The following SLC26A7 variants were observed in gnomAD, a reference collection of about 807,000 sequenced individuals.
SLC26A7 encodes the protein anion exchange transporter.
In SLC26A7, 59 loss-of-function variants were observed where a neutral mutation model predicts 82.5. That is an observed-to-expected ratio of 0.72 (90% CI 0.58 to 0.89). SLC26A7 has a LOEUF of 0.89. SLC26A7 is among the 40% of genes least tolerant of loss of function. The pLI is 0.00. For missense variants in SLC26A7, 820 were observed against 793.0 expected (o/e 1.03, Z -0.41); for synonymous variants, 271 against 274.3 (o/e 0.99, Z 0.12).
intron 1 of SLC26A7, among the ~76,000 whole-genome samples, chr8:91,211,620 T>TA (rs68057393): frequency 1.3e-3 from 168 of 129,268 alleles, no homozygotes; most frequent in African/African-American, 4.6e-3. Flanking sequence ...ATATATATTT[T>TA]TTTTTTATTT....
Position 91,354,589 on chromosome 8 carries a change from A to G in SLC26A7, c.1314+1593A>G, listed in dbSNP as rs112396651. Among the ~76,000 whole-genome samples, 39 of 152,298 alleles carry G rather than the reference A, an allele frequency of 2.6e-4. 2 individuals carry two copies. Among genetic ancestry groups the G allele is most frequent in the African/African-American group, 9.1e-4 (38 of 41,576 alleles). On this transcript the variant is annotated intron_variant, in intron 11 of 18. Transcript: ENST00000276609. ...ATGTATGTATTAGAAAGGTCACTTG[A>G]GTAGTTTGAGGAAGATGGATCAAAC...
chr8:91,251,306 A>G (rs772755543), intron 2 of SLC26A7, among the ~76,000 whole-genome samples: 13 of 151,982 alleles, frequency 8.6e-5, no homozygotes, highest in Admixed American at 3.3e-4. Flanking sequence ...TTTACGAGTC[A>G]TGTATTTCAC....
intron 2 of SLC26A7, among the ~76,000 whole-genome samples, chr8:91,266,042 A>AT (rs570474606): frequency 4.0e-4 from 61 of 151,602 alleles, no homozygotes; most frequent in Admixed American, 1.1e-3. Context: ...TTTATTTATG[A>AT]TTTTTTTTAG....
At chr8:91,267,764 G>A (rs1811155019) in intron 2 of SLC26A7, among the ~76,000 whole-genome samples, 1 of 151,310 alleles carries the variant, frequency 6.6e-6, no homozygotes, top group South Asian at 2.1e-4. Flanking sequence ...AAATATTTCT[G>A]TTCTGATCTT....
At chr8:91,393,672 C>A (rs564924368) in intron 16 of SLC26A7, 125 bp from the exon 17 acceptor site, 112 of 954,344 alleles carry the variant, frequency 1.2e-4, no homozygotes, top group Middle Eastern at 4.8e-4. Context: ...ACAATGCCTC[C>A]CTCTGGTGGT....
chr8:91,347,735 A>G (rs1407822349), intron 9 of SLC26A7, among the ~76,000 whole-genome samples: 3 of 152,204 alleles, frequency 2.0e-5, no homozygotes, highest in Non-Finnish European at 2.9e-5. Context: ...ACCAAGTGCC[A>G]TGGTCATCAG....
chr8:91,292,958 G>T (rs905047265), intron 3 of SLC26A7, among the ~76,000 whole-genome samples: 6 of 152,212 alleles, frequency 3.9e-5, no homozygotes, highest in Non-Finnish European at 8.8e-5. Context: ...ATATTGTGGA[G>T]ACTATATAAG....
intron 1 of SLC26A7, among the ~76,000 whole-genome samples, chr8:91,217,260 G>A (rs1810067735): frequency 6.6e-6 from 1 of 152,136 alleles, no homozygotes; most frequent in Non-Finnish European, 1.5e-5. Flanking sequence ...GCAAATTAAA[G>A]AAACCCAACT....
upstream of SLC26A7, among the ~76,000 whole-genome samples, chr8:91,244,329 TTTC>T (rs548534757): frequency 3.8e-4 from 58 of 152,162 alleles, no homozygotes; most frequent in East Asian, 9.5e-3. Flanking sequence ...TCCTCTTCCT[TTTC>T]TTCTTCTTTT....
At chr8:91,369,733 CAG>C in intron 14 of SLC26A7, 50 bp from the exon 15 acceptor site, 3 of 1,321,338 alleles carry the variant, frequency 2.3e-6, no homozygotes, top group Non-Finnish European at 3.1e-6. Context: ...TTTTTTCAGA[CAG>C]AAGTAAAATT....
At chr8:91,251,421 T>G (rs1051588413) in intron 2 of SLC26A7, among the ~76,000 whole-genome samples, 1 of 152,088 alleles carries the variant, frequency 6.6e-6, no homozygotes, top group Non-Finnish European at 1.5e-5. Context: ...CTGATTCTCT[T>G]GGAAGGCTAC....
chr8:91,367,201 G>A (rs907324647), intron 14 of SLC26A7, among the ~76,000 whole-genome samples: 5 of 152,034 alleles, frequency 3.3e-5, no homozygotes, highest in African/African-American at 1.2e-4. Flanking sequence ...GTGGAGACGG[G>A]GTTTCATGGT....
chr8:91,308,246 GGTGT>G (rs35920887), intron 4 of SLC26A7, among the ~76,000 whole-genome samples: 4,769 of 145,702 alleles, frequency 0.033, 111 homozygotes, highest in African/African-American at 0.062. Flanking sequence ...AGGAGGAAGA[GGTGT>G]GTGTGTGTGT....
At chr8:91,209,619 T>C (rs1175839241) in intron 1 of SLC26A7, 1 of 152,218 alleles carries the variant, frequency 6.6e-6, no homozygotes, top group Admixed American at 6.5e-5. Context: ...GATATGTGCA[T>C]GGTTGTAGGC....
chr8:91,352,845 A>T, intron 10 of SLC26A7, 56 bp from the exon 11 acceptor site: 1 of 1,412,464 alleles, frequency 7.1e-7, no homozygotes, highest in Non-Finnish European at 9.8e-7. Context: ...TAGCCCTTTT[A>T]AATTTAAGTT....
At chr8:91,218,961 T>C in exon 2 of SLC26A7, 1 of 1,551,182 alleles carries the variant, frequency 6.4e-7, no homozygotes, top group Non-Finnish European at 8.7e-7. Context: ...AATGTTTTAC[T>C]CAACGTGACC....
At chr8:91,269,244 A>T (rs1317283455) in intron 2 of SLC26A7, among the ~76,000 whole-genome samples, 1 of 152,022 alleles carries the variant, frequency 6.6e-6, no homozygotes, top group Non-Finnish European at 1.5e-5. Context: ...AGCTTAAAGA[A>T]CTTTCTTTAG....
At position 91,396,139 on chromosome 8, in the gene SLC26A7, A is replaced by G. The variant is rs568023528; in HGVS notation, c.*1042A>G. The G allele has an allele frequency of 6.6e-6, 1 of 152,148 alleles. No homozygotes were observed. The highest frequency in any genetic ancestry group is 2.1e-4 in the South Asian group (1 of 4,824). The allele number at this position is 152,148 out of a possible 1,614,324, so 9.4% of individuals were successfully genotyped here. A position where few individuals can be genotyped will look rare whatever the true frequency, so the allele number is the denominator to read the frequency against. On this transcript the variant is annotated 3_prime_UTR_variant, in exon 19 of 19. Transcript: ENST00000276609. ...AACCAACAGGATAATTGACAAATAA[A>G]CGCCATAGGCTAGGCTGAACTGTAT...
rs117424305 is a variant in SLC26A7 at position 91,320,791 on chromosome 8, C to T, written c.642+2411C>T. On this transcript the variant is annotated intron_variant, in intron 5 of 18. Coordinates refer to ENST00000276609, the MANE Select transcript of SLC26A7 (RefSeq NM_052832.4). ...TGACACATTTGTAAGACTTTTCACT[C>T]TTTGACATGTATCCTGCCTCTGAGT... Among the ~76,000 whole-genome samples the T allele has an allele frequency of 2.8e-4, 43 of 152,328 alleles. No individual in the cohort carries two copies. The East Asian group carries it at 5.4e-3, about 19-fold the overall frequency.
Sources: gnomAD v4.1 joint callset for allele counts (sites outside exome capture counted in the v4.1 genomes callset) on GRCh38, gnomAD v4.1.1 for gene constraint, MANE v1.5 for transcripts, NCBI Gene and HGNC (gene_info 2026-07-23, HGNC 2026-07-21) for gene names.